Variants in NUP37 observed in about 807,000 individuals in gnomAD.
NUP37 encodes nucleoporin 37.
A neutral mutation model predicts 45.4 loss-of-function variants in NUP37; 33 were observed. That is an observed-to-expected ratio of 0.73 (90% CI 0.55 to 0.97). The LOEUF is 0.97. Ranked by LOEUF, NUP37 falls within the 50% of genes least tolerant of loss-of-function variation. The pLI, the probability that NUP37 is intolerant of heterozygous loss-of-function variation, is 0.00. For synonymous variants in NUP37, 127 were observed against 130.7 expected, an observed-to-expected ratio of 0.97 and a Z score of 0.19; for missense variants, 365 against 389.7, an observed-to-expected ratio of 0.94 and a Z score of 0.53.
intron 6 of NUP37, among the ~76,000 whole-genome samples, chr12:102,084,627 G>A (rs1879418280): frequency 6.6e-6 from 1 of 151,692 alleles, no homozygotes; most frequent in Non-Finnish European, 1.5e-5. Flanking sequence ...GAAACTTGGG[G>A]CCATGCTTGG....
intron 5 of NUP37, 32 bp from the exon 6 acceptor site, chr12:102,085,888 G>T: frequency 9.5e-7 from 1 of 1,053,154 alleles, no homozygotes; most frequent in African/African-American, 1.6e-5. Context: ...AATGTTAATT[G>T]TTCTTGATAT....
intron 5 of NUP37, among the ~76,000 whole-genome samples, chr12:102,095,880 T>G (rs1879789726): frequency 6.6e-6 from 1 of 152,088 alleles, no homozygotes; most frequent in Non-Finnish European, 1.5e-5. Flanking sequence ...CAGATGGCAC[T>G]ATTTACATTA....
In NUP37 at chr12:102,089,183, C is replaced by T. The variant is rs1208125825; in HGVS notation, c.450-3327G>A. On this transcript the variant is annotated intron_variant, in intron 5 of 9. Coordinates refer to ENST00000552283, the MANE Select transcript of NUP37 (RefSeq NM_024057.4). ...TTCCCCCTTTTCTTTTCGACAAAACCGCCATCGTCATCATGGCCCGTTCTC... is the reference window on the plus strand; with the variant it reads ...TTCCCCCTTTTCTTTTCGACAAAACTGCCATCGTCATCATGGCCCGTTCTC... Among the ~76,000 whole-genome samples, 8 of 151,998 alleles carry T rather than the reference C, an allele frequency of 5.3e-5. No homozygotes were observed. In the South Asian group the frequency reaches 6.3e-4, roughly 12 times the overall value.
rs369524001 is a variant in NUP37 at position 102,119,860 on chromosome 12, G to T, written c.-66+190C>A. On this transcript the variant is annotated intron_variant, in intron 1 of 9. Transcript: ENST00000552283. ...GTAAAACTACAACGGCAGAGAAGAA[G>T]GGAGGGAACAAGATAAGTCTCTGCA... Among the ~76,000 whole-genome samples the T allele has an allele frequency of 5.3e-5, 8 of 152,308 alleles. No homozygotes were observed. The East Asian group carries it at 7.7e-4, about 15-fold the overall frequency.
At chr12:102,093,398 A>T (rs563896048) in intron 5 of NUP37, among the ~76,000 whole-genome samples, 13 of 152,208 alleles carry the variant, frequency 8.5e-5, no homozygotes, top group African/African-American at 3.1e-4. Flanking sequence ...AATTATTAAC[A>T]TCTCATTTAA....
Position 102,074,469 on chromosome 12 carries a change from T to C in NUP37, c.868-2A>G. 1.3e-6 allele frequency: 2 copies of C among 1,569,800 alleles called. No homozygotes were observed. The highest frequency in any genetic ancestry group is 1.7e-6 in the Non-Finnish European group (2 of 1,150,156). ...GGCTACAGAACCCATGAGGATGGGC[T>C]ATAAAATATGTGAAGAATTAAAGAA... On this transcript the variant is annotated splice_acceptor_variant, in intron 9 of 9. Transcript: ENST00000552283. LOFTEE classifies it high-confidence loss of function.
At position 102,073,559 on chromosome 12, in the gene NUP37, G is replaced by C. The variant is rs1261150987; in HGVS notation, c.*795C>G. On this transcript the variant is annotated 3_prime_UTR_variant, in exon 10 of 10. Coordinates refer to ENST00000552283, the MANE Select transcript of NUP37 (RefSeq NM_024057.4). ...CAAAGGAATCTGCGTATAATAAACAGGGTTGAGCAATATAATCAATCACAT... is the reference window on the plus strand; with the variant it reads ...CAAAGGAATCTGCGTATAATAAACACGGTTGAGCAATATAATCAATCACAT... 1 of 152,078 alleles carries C rather than the reference G, an allele frequency of 6.6e-6. No individual in the cohort carries two copies. The highest frequency in any genetic ancestry group is 1.9e-4 in the East Asian group (1 of 5,196). The allele number at this position is 152,078 out of a possible 1,614,324, so 9.4% of individuals were successfully genotyped here. A position where few individuals can be genotyped will look rare whatever the true frequency, so the allele number is the denominator to read the frequency against.
intron 2 of NUP37, among the ~76,000 whole-genome samples, chr12:102,114,820 T>C (rs1015741299): frequency 1.3e-5 from 2 of 152,240 alleles, no homozygotes; most frequent in Admixed American, 6.5e-5. Flanking sequence ...GCTATTTCTT[T>C]GGGAAGTTTA....
rs915019265 is a variant in NUP37 at position 102,120,099 on chromosome 12, T to G, written c.-115A>C. ...AGGCAGGCTGGTCTTCCTTGGGGGC[T>G]GCCGCGACGCGCTGTGGCTCTGCTT... On this transcript the variant is annotated 5_prime_UTR_variant, in exon 1 of 10. Transcript: ENST00000552283. 3.5e-5 allele frequency: 6 copies of G among 173,578 alleles called. No individual in the cohort carries two copies. Among genetic ancestry groups the G allele is most frequent in the Non-Finnish European group, 5.0e-5 (4 of 79,280 alleles). 10.8% of individuals were successfully genotyped at this position (173,578 alleles called of 1,614,324 possible). A position where few individuals can be genotyped will look rare whatever the true frequency, so the allele number is the denominator to read the frequency against.
intron 7 of NUP37, 97 bp from the exon 8 acceptor site, chr12:102,076,944 T>C (rs987911783): frequency 1.2e-4 from 98 of 817,876 alleles, no homozygotes; most frequent in Non-Finnish European, 1.2e-5. Flanking sequence ...GGACAGAATG[T>C]CCAATGTGTT....
intron 8 of NUP37, 127 bp from the exon 9 acceptor site, chr12:102,075,221 G>A (rs113305130): frequency 3.7e-6 from 2 of 539,132 alleles, no homozygotes; most frequent in Admixed American, 3.4e-5. Context: ...TGTCACCCAG[G>A]CTGGAGTGCA....
At chr12:102,089,931 T>C (rs758161588) in intron 5 of NUP37, among the ~76,000 whole-genome samples, 1 of 152,180 alleles carries the variant, frequency 6.6e-6, no homozygotes, top group East Asian at 1.9e-4. Flanking sequence ...ATATGTCTTT[T>C]AGTGAATATA....
At chr12:102,084,953 A>G (rs1161219513) in intron 6 of NUP37, among the ~76,000 whole-genome samples, 3 of 152,154 alleles carry the variant, frequency 2.0e-5, no homozygotes, top group Admixed American at 6.5e-5. Context: ...GATAATAAGA[A>G]CTTGTAGTGT....
chr12:102,081,030 G>A (rs1228272216), intron 6 of NUP37, among the ~76,000 whole-genome samples: 2 of 152,134 alleles, frequency 1.3e-5, no homozygotes, highest in African/African-American at 4.8e-5. Context: ...GCCTGGATGG[G>A]GCCCAGCTCT....
At chr12:102,100,392 T>C (rs182303621) in intron 4 of NUP37, among the ~76,000 whole-genome samples, 22 of 152,328 alleles carry the variant, frequency 1.4e-4, no homozygotes, top group African/African-American at 2.4e-5. Context: ...TTTGACCCAA[T>C]CTGAGGGTTA....
intron 1 of NUP37, among the ~76,000 whole-genome samples, chr12:102,118,818 A>T (rs1232354449): frequency 1.3e-5 from 2 of 152,220 alleles, no homozygotes; most frequent in African/African-American, 4.8e-5. Flanking sequence ...AACACTGCAA[A>T]GTTCTGTTTA....
intron 6 of NUP37, among the ~76,000 whole-genome samples, chr12:102,078,761 A>G (rs1455552413): frequency 6.6e-6 from 1 of 152,230 alleles, no homozygotes. Flanking sequence ...AAAAAATAGT[A>G]GCTATTACTT....
At position 102,101,084 on chromosome 12, in the gene NUP37, T is replaced by C; in HGVS notation, c.302A>G (p.Asp101Gly). ...PVIKFCTSAA[D>G]MKIRLFTSDL... ...TGAAGTAAATAATCTAATTTTCATA[T>C]CAGCAGCTGAAGTACAAAATCTGGA... Residue 101 changes from aspartate (D) to glycine (G), a missense_variant, in exon 4 of 10, where the codon GAT becomes GGT. Asp to Gly is a moderately conservative substitution (Grantham distance 94, BLOSUM62 -1). Transcript: ENST00000552283. 1 of 1,568,232 alleles carries C rather than the reference T, an allele frequency of 6.4e-7. No individual in the cohort carries two copies. Among genetic ancestry groups the C allele is most frequent in the South Asian group, 1.2e-5 (1 of 84,264 alleles).
chr12:102,083,728 A>G (rs1879393628), intron 6 of NUP37, among the ~76,000 whole-genome samples: 1 of 152,216 alleles, frequency 6.6e-6, no homozygotes, highest in Admixed American at 6.5e-5. Context: ...GGCAGAGTAT[A>G]AAGAAAAAGG....
Sources: allele counts gnomAD v4.1 joint callset (sites outside exome capture counted in the v4.1 genomes callset), GRCh38; gene constraint gnomAD v4.1.1; transcripts MANE v1.5; gene names NCBI Gene and HGNC (gene_info 2026-07-23, HGNC 2026-07-21).